TRMT9B: variants seen among roughly 807,000 people sequenced by gnomAD.
TRMT9B encodes tRNA methyltransferase 9B (putative), also known as probable tRNA methyltransferase 9B.
TRMT9B carries 16 observed loss-of-function variants against 11.5 expected under a neutral mutation model. The ratio of observed to expected loss-of-function variants is 1.39; its 90% CI spans 0.94 to 2.11. The LOEUF (loss-of-function observed/expected upper bound fraction) is 2.11. Ranked by LOEUF, TRMT9B falls within the 30% of genes most tolerant of loss-of-function variation. The probability of loss-of-function intolerance (pLI) is 0.00; values close to 1 mark genes in which losing one functional copy is unlikely to be tolerated. For synonymous variants in TRMT9B, 274 were observed against 192.4 expected (o/e 1.42, Z -3.51); for missense variants, 941 against 553.8 (o/e 1.70, Z -7.02).
chr8:12,970,195 C>CA (rs1382186490), intron 1 of TRMT9B: 1 of 152,140 alleles, frequency 6.6e-6, no homozygotes, highest in Non-Finnish European at 1.5e-5. Context: ...ATATTTGAAA[C>CA]AAAAAACAAA....
At chr8:12,988,920 T>G (rs1163680882) in intron 1 of TRMT9B, among the ~76,000 whole-genome samples, 2 of 152,252 alleles carry the variant, frequency 1.3e-5, no homozygotes, top group African/African-American at 4.8e-5. Context: ...TCTACTGCAC[T>G]TTAATTTTCT....
intron 2 of TRMT9B, among the ~76,000 whole-genome samples, chr8:12,997,730 G>C (rs1034095760): frequency 1.3e-5 from 2 of 152,136 alleles, no homozygotes; most frequent in African/African-American, 4.8e-5. Context: ...GTGAATATGG[G>C]TGTCCATTTC....
intron 1 of TRMT9B, among the ~76,000 whole-genome samples, chr8:12,980,145 G>T (rs1361292037): frequency 1.3e-5 from 2 of 152,170 alleles, no homozygotes; most frequent in Non-Finnish European, 1.5e-5. Flanking sequence ...TTCTCTTGCA[G>T]CTCAGGAGGC....
intron 4 of TRMT9B, among the ~76,000 whole-genome samples, chr8:13,013,083 A>G (rs932712085): frequency 3.9e-5 from 6 of 152,198 alleles, no homozygotes; most frequent in African/African-American, 1.2e-4. Context: ...TTGGTATTGC[A>G]GTTTTTTTAT....
chr8:12,985,423 A>G (rs536227990), intron 1 of TRMT9B, among the ~76,000 whole-genome samples: 54 of 152,298 alleles, frequency 3.5e-4, no homozygotes, highest in Admixed American at 9.8e-4. Context: ...TTACTGGCTC[A>G]TTATTCAAAG....
intron 4 of TRMT9B, among the ~76,000 whole-genome samples, chr8:13,015,756 C>T (rs1369866080): frequency 2.0e-5 from 3 of 152,142 alleles, no homozygotes; most frequent in Admixed American, 2.0e-4. Context: ...TTGGGAAACA[C>T]TCCATGCTTA....
chr8:13,026,440 T>C lies in TRMT9B; in HGVS notation c.*4396T>C, dbSNP rs1814697536. 1 of 126,266 alleles carries C rather than the reference T, an allele frequency of 7.9e-6. No individual in the cohort carries two copies. Among genetic ancestry groups the C allele is most frequent in the South Asian group, 2.7e-4 (1 of 3,638 alleles). 7.8% of individuals were successfully genotyped at this position (126,266 alleles called of 1,614,324 possible). A position where few individuals can be genotyped will look rare whatever the true frequency, so the allele number is the denominator to read the frequency against. ...GGGGCTTGTATATAGATTATAAATA[T>C]ATAAGGGGGAAAGGGGTGGGGGGGA... On this transcript the variant is annotated 3_prime_UTR_variant, in exon 5 of 5. Coordinates refer to ENST00000524591, the MANE Select transcript of TRMT9B (RefSeq NM_020844.3).
intron 1 of TRMT9B, among the ~76,000 whole-genome samples, chr8:12,948,713 C>T (rs150599368): frequency 9.1e-4 from 138 of 152,168 alleles, no homozygotes; most frequent in African/African-American, 2.7e-3. Context: ...GTAATCCCAG[C>T]ACTTTGGGAG....
rs1383545301 is a variant in TRMT9B, at chr8:13,028,144, C to T, written c.*6100C>T. On this transcript the variant is annotated 3_prime_UTR_variant, in exon 5 of 5. Transcript: ENST00000524591. ...ATGACACATTAACAGGGGTGTGAATCATTTCAGTTACATCACATACTCTGT... is the reference window on the plus strand; with the variant it reads ...ATGACACATTAACAGGGGTGTGAATTATTTCAGTTACATCACATACTCTGT... The T allele has an allele frequency of 1.2e-5, 2 of 167,074 alleles. No individual in the cohort carries two copies. The highest frequency in any genetic ancestry group is 2.9e-5 in the Non-Finnish European group (2 of 68,122). The allele number at this position is 167,074 out of a possible 1,614,324, so 10.3% of individuals were successfully genotyped here.
intron 3 of TRMT9B, chr8:13,011,302 A>G (rs764982329): frequency 3.1e-4 from 302 of 985,096 alleles, no homozygotes; most frequent in Non-Finnish European, 3.5e-4. Flanking sequence ...TTTATTTTTT[A>G]TTCATATATT....
chr8:12,999,906 A>G (rs1235402940), intron 2 of TRMT9B, among the ~76,000 whole-genome samples: 7 of 152,210 alleles, frequency 4.6e-5, no homozygotes, highest in Admixed American at 4.6e-4. Context: ...ATATATCTCT[A>G]CGAGAAAGAA....
chr8:12,959,798 G>C (rs1345408058), intron 1 of TRMT9B: 2 of 151,962 alleles, frequency 1.3e-5, no homozygotes, highest in African/African-American at 4.8e-5. Flanking sequence ...CCAAGTGCTG[G>C]GATTACAAAC....
intron 1 of TRMT9B, among the ~76,000 whole-genome samples, chr8:12,984,511 A>C (rs1255016987): frequency 6.6e-6 from 1 of 152,170 alleles, no homozygotes; most frequent in African/African-American, 2.4e-5. Context: ...CTTTGGGATT[A>C]CTTGTCCTCC....
At chr8:12,986,997 G>C (rs1394711782) in intron 1 of TRMT9B, among the ~76,000 whole-genome samples, 1 of 152,140 alleles carries the variant, frequency 6.6e-6, no homozygotes, top group Non-Finnish European at 1.5e-5. Flanking sequence ...ATAATTCAGT[G>C]GTTCCCCATG....
intron 1 of TRMT9B, among the ~76,000 whole-genome samples, chr8:12,959,100 A>G (rs982740274): frequency 1.3e-5 from 2 of 152,182 alleles, no homozygotes; most frequent in Non-Finnish European, 2.9e-5. Context: ...AATAATAATA[A>G]TAAAAAGAAT....
Position 13,005,338 on chromosome 8 carries a change from A to C in TRMT9B, c.-1-864A>C, listed in dbSNP as rs1300186765. On this transcript the variant is annotated intron_variant, in intron 2 of 4. Coordinates refer to ENST00000524591, the MANE Select transcript of TRMT9B (RefSeq NM_020844.3). The stretch of plus-strand genomic sequence containing the variant: ...GGAAGTGGAGATTGTTAATGGGTAC[A>C]AAAAACAGAATAAGACCTAGTATTT... 2.6e-5 allele frequency among the ~76,000 whole-genome samples: 4 copies of C among 152,146 alleles called. No homozygotes were observed. The East Asian group carries it at 7.7e-4, about 29-fold the overall frequency.
At chr8:13,017,969 T>C (rs1038640124) in intron 4 of TRMT9B, among the ~76,000 whole-genome samples, 1 of 151,768 alleles carries the variant, frequency 6.6e-6, no homozygotes, top group Non-Finnish European at 1.5e-5. Context: ...CTGTTACTTA[T>C]TACACTTTAA....
intron 3 of TRMT9B, chr8:13,012,284 A>C (rs1253482970): frequency 1.0e-6 from 1 of 988,126 alleles, no homozygotes; most frequent in Non-Finnish European, 1.2e-6. Flanking sequence ...GTTAAAAAAA[A>C]AAAAAAAGTT....
chr8:13,018,737 T>C (rs1563447464), intron 4 of TRMT9B, among the ~76,000 whole-genome samples: 1 of 152,198 alleles, frequency 6.6e-6, no homozygotes, highest in Non-Finnish European at 1.5e-5. Flanking sequence ...AGACAGTTTA[T>C]TTCATTTTAA....
Sources: gnomAD v4.1 joint callset for allele counts (sites outside exome capture counted in the v4.1 genomes callset) on GRCh38, gnomAD v4.1.1 for gene constraint, MANE v1.5 for transcripts, NCBI Gene and HGNC (gene_info 2026-07-23, HGNC 2026-07-21) for gene names.